Variants in PDS5A observed in about 807,000 individuals in gnomAD.
PDS5A encodes sister chromatid cohesion protein PDS5 homolog A.
PDS5A carries 42 observed loss-of-function variants against 167.1 expected under a neutral mutation model. That is an observed-to-expected ratio of 0.25 (90% confidence interval 0.20 to 0.33). The LOEUF (loss-of-function observed/expected upper bound fraction) is 0.33, where lower values mean the gene tolerates loss of function less well. Among genes scored for constraint, PDS5A ranks in the 10% least tolerant of loss-of-function variants. The pLI is 1.00. For synonymous variants in PDS5A, 553 were observed against 554.6 expected (o/e 1.00, Z 0.04); for missense variants, 1,033 against 1,605.9 (o/e 0.64, Z 6.10).
At chr4:39,965,734 C>CA (rs201989723) in intron 2 of PDS5A, among the ~76,000 whole-genome samples, 2 of 152,058 alleles carry the variant, frequency 1.3e-5, no homozygotes, top group Non-Finnish European at 2.9e-5. Context: ...GAGAGTAAGT[C>CA]AAAGTCATCT....
intron 17 of PDS5A, among the ~76,000 whole-genome samples, chr4:39,885,456 T>C (rs183009775): frequency 5.6e-4 from 84 of 150,894 alleles, no homozygotes; most frequent in African/African-American, 2.0e-3. Context: ...TTTAAAAAAA[T>C]TAGCTGAGCA....
At chr4:39,844,550 G>C (rs528602557) in intron 30 of PDS5A, 106 bp downstream of exon 30, 1 of 749,646 alleles carries the variant, frequency 1.3e-6, no homozygotes, top group African/African-American at 1.8e-5. Flanking sequence ...TTTTGTACCA[G>C]AACACCGCTA....
In PDS5A at chr4:39,918,526, A is replaced by G. The variant is rs868289338; in HGVS notation, c.736-1338T>C. Among the ~76,000 whole-genome samples the G allele has an allele frequency of 6.6e-5, 10 of 152,284 alleles. No individual in the cohort carries two copies. In the Middle Eastern group the frequency reaches 0.024, roughly 363 times the overall value. The stretch of plus-strand genomic sequence containing the variant: ...ACAAGCATACACTTCTGGTAGTATC[A>G]TAAGTTGAAAAGCAGCATGAATTAA... On this transcript the variant is annotated intron_variant, in intron 7 of 32. Coordinates refer to ENST00000303538, the MANE Select transcript of PDS5A (RefSeq NM_001100399.2).
chr4:39,836,615 A>ATTTT (rs71645192), intron 32 of PDS5A, among the ~76,000 whole-genome samples: 6 of 106,160 alleles, frequency 5.7e-5, no homozygotes, highest in Non-Finnish European at 7.2e-5. Context: ...ATTTTTTTCT[A>ATTTT]TTTTTTTTTT....
At chr4:39,923,331 T>TAA (rs1178389893) in intron 5 of PDS5A, among the ~76,000 whole-genome samples, 1 of 65,894 alleles carries the variant, frequency 1.5e-5, no homozygotes, top group African/African-American at 6.1e-5. Context: ...TTGTATCAAT[T>TAA]AAAAAAAAAA....
intron 2 of PDS5A, among the ~76,000 whole-genome samples, chr4:39,930,357 T>A (rs571910616): frequency 3.5e-5 from 5 of 143,964 alleles, no homozygotes; most frequent in Non-Finnish European, 7.5e-5. Context: ...CCTCCCAAAG[T>A]GTTGGGATTA....
intron 26 of PDS5A, among the ~76,000 whole-genome samples, chr4:39,860,558 A>G (rs926484465): frequency 1.1e-4 from 17 of 152,222 alleles, no homozygotes; most frequent in African/African-American, 3.6e-4. Flanking sequence ...ACTATTTACA[A>G]CAGCCAAGAT....
intron 17 of PDS5A, among the ~76,000 whole-genome samples, chr4:39,885,585 T>C (rs1409368641): frequency 1.3e-5 from 2 of 151,900 alleles, no homozygotes; most frequent in Admixed American, 6.6e-5. Flanking sequence ...TGAGATCGTG[T>C]ATCCAAAAAA....
At chr4:39,867,623 G>A (rs962852462) in intron 22 of PDS5A, among the ~76,000 whole-genome samples, 2 of 151,912 alleles carry the variant, frequency 1.3e-5, no homozygotes, top group Admixed American at 1.3e-4. Context: ...AGGAGGCTGA[G>A]GCATGAGAAT....
intron 2 of PDS5A, among the ~76,000 whole-genome samples, chr4:39,962,509 A>T (rs1729580898): frequency 6.6e-6 from 1 of 152,080 alleles, no homozygotes; most frequent in African/African-American, 2.4e-5. Context: ...TTTGACTGCA[A>T]ATTAAAAGTA....
intron 26 of PDS5A, 114 bp from the exon 27 acceptor site, chr4:39,849,766 C>T: frequency 1.6e-6 from 1 of 625,366 alleles, no homozygotes; most frequent in Non-Finnish European, 2.7e-6. Flanking sequence ...AAATGATCAA[C>T]CTTAATGACT....
At chr4:39,842,100 G>A (rs753833778) in intron 30 of PDS5A, 44 bp from the exon 31 acceptor site, 1 of 1,224,520 alleles carries the variant, frequency 8.2e-7, no homozygotes, top group Non-Finnish European at 1.2e-6. Context: ...TCCATGAAGA[G>A]AAAGTTCACT....
chr4:39,944,125 G>A (rs935410499), intron 2 of PDS5A, among the ~76,000 whole-genome samples: 3 of 140,314 alleles, frequency 2.1e-5, no homozygotes. Flanking sequence ...CTTGCAGTGA[G>A]CCGAGATCAC....
intron 31 of PDS5A, among the ~76,000 whole-genome samples, chr4:39,838,456 TCA>T (rs1316084327): frequency 6.6e-6 from 1 of 152,226 alleles, no homozygotes; most frequent in African/African-American, 2.4e-5. Context: ...GAACAGTGGC[TCA>T]CGCCTGTAAT....
chr4:39,922,828 T>C, intron 5 of PDS5A, 80 bp from the exon 6 acceptor site: 5 of 1,331,584 alleles, frequency 3.8e-6, no homozygotes, highest in Non-Finnish European at 4.8e-6. Context: ...AAATTAAACG[T>C]CCTAGTTTAA....
chr4:39,828,035 T>C (rs1214284891), intron 32 of PDS5A, among the ~76,000 whole-genome samples: 1 of 152,214 alleles, frequency 6.6e-6, no homozygotes, highest in African/African-American at 2.4e-5. Context: ...CATTCCTTCA[T>C]CCGAAACTCA....
chr4:39,952,894 A>G (rs1728551890), intron 2 of PDS5A, among the ~76,000 whole-genome samples: 1 of 151,996 alleles, frequency 6.6e-6, no homozygotes, highest in Non-Finnish European at 1.5e-5. Flanking sequence ...ATGCTTGGCT[A>G]ATTTTTGTAT....
intron 2 of PDS5A, among the ~76,000 whole-genome samples, chr4:39,934,614 T>TC (rs1726402461): frequency 7.6e-6 from 1 of 131,914 alleles, no homozygotes; most frequent in African/African-American, 2.6e-5. Flanking sequence ...TCTTTTTTTT[T>TC]CTTTTTTTTT....
intron 26 of PDS5A, among the ~76,000 whole-genome samples, chr4:39,861,247 T>C (rs1718968274): frequency 6.6e-6 from 1 of 151,166 alleles, no homozygotes; most frequent in African/African-American, 2.4e-5. Context: ...GATCACAAGG[T>C]CAGGAGAGCA....
Sources: allele counts gnomAD v4.1 joint callset (sites outside exome capture counted in the v4.1 genomes callset), GRCh38; gene constraint gnomAD v4.1.1; transcripts MANE v1.5; gene names NCBI Gene and HGNC (gene_info 2026-07-23, HGNC 2026-07-21).